The following CIMAP3 variants were observed in gnomAD, a reference collection of about 807,000 sequenced individuals.
The protein encoded by CIMAP3 is ciliary microtubule-associated protein 3.
the CIMAP3 span, chr1:111,347,853 G>T: frequency 9.0e-6 from 9 of 1,003,640 alleles, no homozygotes; most frequent in Non-Finnish European, 1.4e-5. Context: ...GCAAGAGGGG[G>T]GTGATCTAAA....
At chr1:111,340,047 C>T in the CIMAP3 span, among the ~76,000 whole-genome samples, 25 of 151,904 alleles carry the variant, frequency 1.6e-4, no homozygotes, top group Admixed American at 7.2e-4. Flanking sequence ...TCAGGAATAA[C>T]GTCGCATATC....
the CIMAP3 span, among the ~76,000 whole-genome samples, chr1:111,344,916 AAC>A: frequency 6.6e-6 from 1 of 152,206 alleles, no homozygotes; most frequent in Non-Finnish European, 1.5e-5. Context: ...TTTAATTTTA[AAC>A]CATAGTTTTA....
chr1:111,330,914 C>T, the CIMAP3 span, among the ~76,000 whole-genome samples: 1 of 152,156 alleles, frequency 6.6e-6, no homozygotes, highest in Admixed American at 6.5e-5. Context: ...GATGAGCTGG[C>T]CTCTTCTCCT....
At chr1:111,330,925 C>T in the CIMAP3 span, among the ~76,000 whole-genome samples, 1 of 152,234 alleles carries the variant, frequency 6.6e-6, no homozygotes, top group Non-Finnish European at 1.5e-5. Context: ...CTCTTCTCCT[C>T]TCCTCCATTT....
At chr1:111,341,298 T>C in the CIMAP3 span, among the ~76,000 whole-genome samples, 1 of 151,888 alleles carries the variant, frequency 6.6e-6, no homozygotes, top group Non-Finnish European at 1.5e-5. Context: ...GCATGGCACA[T>C]GTATACATAT....
chr1:111,332,900 C>T, the CIMAP3 span, among the ~76,000 whole-genome samples: 1 of 152,186 alleles, frequency 6.6e-6, no homozygotes, highest in Non-Finnish European at 1.5e-5. Context: ...GGCATAGATA[C>T]ATATTTGCTC....
At chr1:111,338,526 C>A in the CIMAP3 span, among the ~76,000 whole-genome samples, 1 of 151,924 alleles carries the variant, frequency 6.6e-6, no homozygotes, top group Admixed American at 6.6e-5. Context: ...GGGGATATCA[C>A]CACCGATCCC....
chr1:111,340,697 C>T, the CIMAP3 span, among the ~76,000 whole-genome samples: 1 of 152,128 alleles, frequency 6.6e-6, no homozygotes, highest in South Asian at 2.1e-4. Context: ...ATTAAAAAGT[C>T]AGGAAACAGC....
the CIMAP3 span, among the ~76,000 whole-genome samples, chr1:111,328,733 A>G: frequency 1.3e-5 from 2 of 152,160 alleles, no homozygotes; most frequent in Non-Finnish European, 2.9e-5. Context: ...TTTTCAGCCT[A>G]TGAGTGTCAT....
At chr1:111,339,233 C>A in the CIMAP3 span, among the ~76,000 whole-genome samples, 1 of 151,468 alleles carries the variant, frequency 6.6e-6, no homozygotes, top group Non-Finnish European at 1.5e-5. Flanking sequence ...CTATGACAAA[C>A]CCACAGCCAA....
the CIMAP3 span, among the ~76,000 whole-genome samples, chr1:111,331,239 GTC>G: frequency 6.6e-6 from 1 of 152,078 alleles, no homozygotes; most frequent in Non-Finnish European, 1.5e-5. Context: ...GAACCTGGAT[GTC>G]TGTCTCTTTC....
At chr1:111,329,880 G>A in the CIMAP3 span, among the ~76,000 whole-genome samples, 1 of 151,926 alleles carries the variant, frequency 6.6e-6, no homozygotes, top group African/African-American at 2.4e-5. Context: ...CAGAAGTTTT[G>A]TTCATTCCTT....
At chr1:111,340,429 A>G in the CIMAP3 span, among the ~76,000 whole-genome samples, 579 of 151,234 alleles carry the variant, frequency 3.8e-3, 4 homozygotes, top group African/African-American at 0.013. Context: ...AACCCACAAA[A>G]TTGGAGAAAA....
chr1:111,326,857 T>C, the CIMAP3 span, among the ~76,000 whole-genome samples: 3 of 152,332 alleles, frequency 2.0e-5, no homozygotes, highest in African/African-American at 7.2e-5. Context: ...GTTGAGTTCT[T>C]TTCATATCCA....
At chr1:111,340,133 TG>T in the CIMAP3 span, among the ~76,000 whole-genome samples, 1 of 152,080 alleles carries the variant, frequency 6.6e-6, no homozygotes, top group African/African-American at 2.4e-5. Context: ...TAAATGGTGC[TG>T]GGAAAACTGG....
At chr1:111,346,816 C>T in the CIMAP3 span, 5 of 1,577,806 alleles carry the variant, frequency 3.2e-6, no homozygotes, top group Non-Finnish European at 4.3e-6. Context: ...TGGGCCCTGT[C>T]CTCTGCTCAG....
chr1:111,346,855 G>T, the CIMAP3 span: 1 of 1,598,712 alleles, frequency 6.3e-7, no homozygotes, highest in Non-Finnish European at 8.5e-7. Flanking sequence ...CCCGGAACGC[G>T]CTCACGTAGA....
At chr1:111,326,494 C>A in the CIMAP3 span, among the ~76,000 whole-genome samples, 19 of 152,116 alleles carry the variant, frequency 1.2e-4, no homozygotes, top group African/African-American at 4.6e-4. Flanking sequence ...TTTTTTATAA[C>A]CAAATAGTAT....
chr1:111,347,673 G>A, the CIMAP3 span: 1 of 1,560,174 alleles, frequency 6.4e-7, no homozygotes, highest in Non-Finnish European at 8.8e-7. Context: ...ACCACCCAAA[G>A]GGATATGGCT....
Sources: allele counts gnomAD v4.1 joint callset (sites outside exome capture counted in the v4.1 genomes callset), GRCh38; gene constraint gnomAD v4.1.1; transcripts MANE v1.5; gene names NCBI Gene and HGNC (gene_info 2026-07-23, HGNC 2026-07-21).